HHLA2: variants seen among roughly 807,000 people sequenced by gnomAD.
HHLA2 encodes the protein HHLA2 member of B7 family.
In HHLA2, 48 loss-of-function variants were observed where a neutral mutation model predicts 45.9. The observed-to-expected ratio is 1.05, with a 90% CI of 0.83 to 1.33. HHLA2 has a LOEUF of 1.33. HHLA2 is among the 40% of genes most tolerant of loss of function. The pLI is 0.00. For missense variants in HHLA2, 462 were observed against 494.3 expected (o/e 0.93, Z 0.62); for synonymous variants, 161 against 173.9 (o/e 0.93, Z 0.59).
At chr3:108,308,835 C>A (rs1458548897) in intron 1 of HHLA2, among the ~76,000 whole-genome samples, 4 of 152,074 alleles carry the variant, frequency 2.6e-5, no homozygotes, top group Admixed American at 2.6e-4. Context: ...AAATCTTTTG[C>A]CCATTTTTTT....
intron 8 of HHLA2, 50 bp downstream of exon 7, chr3:108,362,496 T>TAAAG: frequency 8.5e-7 from 1 of 1,180,798 alleles, no homozygotes; most frequent in Non-Finnish European, 1.2e-6. Flanking sequence ...TCACGTATAT[T>TAAAG]AAAGATAACA....
intron 3 of HHLA2, among the ~76,000 whole-genome samples, chr3:108,333,675 T>G (rs2081425667): frequency 6.6e-6 from 1 of 151,968 alleles, no homozygotes; most frequent in African/African-American, 2.4e-5. Context: ...GAAAAAAACT[T>G]TTTAAGAGGA....
chr3:108,353,814 A>G lies in HHLA2; in HGVS notation c.418+34A>G, dbSNP rs762470752. 73 of 1,482,948 alleles carry G rather than the reference A, an allele frequency of 4.9e-5. No homozygotes were observed. In the Middle Eastern group the frequency reaches 7.0e-4, roughly 14 times the overall value. 91.9% of individuals were successfully genotyped at this position (1,482,948 alleles called of 1,614,324 possible). A position where few individuals can be genotyped will look rare whatever the true frequency, so the allele number is the denominator to read the frequency against. On this transcript the variant is annotated intron_variant, in intron 5 of 10. Transcript: ENST00000619531. ...GCATGTAAAGTTTCATGAAACAGCA[A>G]TGACATCATTCCATGTTATTAGTAA...
chr3:108,360,296 TG>T (rs1405710317), intron 7 of HHLA2, among the ~76,000 whole-genome samples: 1 of 152,204 alleles, frequency 6.6e-6, no homozygotes, highest in Non-Finnish European at 1.5e-5. Context: ...TGGCCATAAC[TG>T]TTGTAGTTTG....
At chr3:108,317,348 A>G (rs993753641) in intron 2 of HHLA2, among the ~76,000 whole-genome samples, 6 of 152,204 alleles carry the variant, frequency 3.9e-5, no homozygotes, top group Non-Finnish European at 8.8e-5. Context: ...AGGGTGGTCT[A>G]AAGTCCCAGC....
At chr3:108,301,428 A>G (rs1324669348) in intron 1 of HHLA2, among the ~76,000 whole-genome samples, 1 of 152,172 alleles carries the variant, frequency 6.6e-6, no homozygotes, top group African/African-American at 2.4e-5. Context: ...TGAGGATTCC[A>G]AACACGTTTG....
At chr3:108,369,999 C>T (rs1007033108) in intron 8 of HHLA2, among the ~76,000 whole-genome samples, 3 of 152,122 alleles carry the variant, frequency 2.0e-5, no homozygotes, top group South Asian at 2.1e-4. Flanking sequence ...GATCTGAGAA[C>T]GGGCAGACTG....
intron 2 of HHLA2, among the ~76,000 whole-genome samples, chr3:108,319,212 C>CT (rs35932503): frequency 0.07 from 10,365 of 147,420 alleles, 456 homozygotes; most frequent in Non-Finnish European, 0.094. Flanking sequence ...TAGTAAAATA[C>CT]TTTTTTTTTT....
intron 1 of HHLA2, among the ~76,000 whole-genome samples, chr3:108,300,901 G>A (rs1365174921): frequency 2.6e-5 from 4 of 152,106 alleles, no homozygotes; most frequent in Admixed American, 2.6e-4. Flanking sequence ...GGAATTGAGA[G>A]TAATCAAAAA....
intron 2 of HHLA2, among the ~76,000 whole-genome samples, chr3:108,325,094 A>C (rs1440099214): frequency 1.3e-5 from 2 of 152,034 alleles, no homozygotes; most frequent in Non-Finnish European, 2.9e-5. Context: ...TATGAATGTC[A>C]GTGTGTTTTA....
At chr3:108,325,796 C>A (rs2107359848) in intron 2 of HHLA2, 2 of 310,538 alleles carry the variant, frequency 6.4e-6, no homozygotes, top group African/African-American at 2.2e-5. Flanking sequence ...ATTGAAGTTT[C>A]CTCTACTACC....
chr3:108,362,248 T>C, intron 7 of HHLA2, 94 bp from the exon 7 acceptor site: 1 of 842,832 alleles, frequency 1.2e-6, no homozygotes, highest in Non-Finnish European at 1.9e-6. Context: ...GTTTTTAAAA[T>C]AGTAAACATA....
intron 2 of HHLA2, among the ~76,000 whole-genome samples, chr3:108,316,100 G>GA (rs1054206397): frequency 2.0e-4 from 29 of 146,110 alleles, no homozygotes; most frequent in East Asian, 7.9e-4. Context: ...AAAAAAAAAT[G>GA]AAAAAAAAAG....
At chr3:108,363,993 CTTTTT>C (rs2082022561) in intron 8 of HHLA2, among the ~76,000 whole-genome samples, 2 of 146,114 alleles carry the variant, frequency 1.4e-5, no homozygotes, top group African/African-American at 5.1e-5. Context: ...TTTTTTCTTT[CTTTTT>C]AAGTTCTGGG....
chr3:108,337,145 A>G (rs1000361990), intron 3 of HHLA2, among the ~76,000 whole-genome samples: 1 of 152,184 alleles, frequency 6.6e-6, no homozygotes, highest in Non-Finnish European at 1.5e-5. Context: ...ATGCAGAACT[A>G]GAGTATTTAA....
intron 3 of HHLA2, among the ~76,000 whole-genome samples, chr3:108,339,925 A>C (rs1405781401): frequency 6.6e-6 from 1 of 152,196 alleles, no homozygotes; most frequent in Non-Finnish European, 1.5e-5. Flanking sequence ...ATTGGTAAGA[A>C]AGAAAAATCT....
chr3:108,358,157 T>C (rs375852275), exon 7 of HHLA2: 2 of 1,597,286 alleles, frequency 1.3e-6, no homozygotes, highest in Non-Finnish European at 1.7e-6. Context: ...ACACAGTGCA[T>C]GTAGGTAAGT....
exon 7 of HHLA2, chr3:108,357,930 G>T: frequency 6.2e-7 from 1 of 1,613,822 alleles, no homozygotes; most frequent in South Asian, 1.1e-5. Context: ...AGACTTCAAA[G>T]TTACTTGGTC....
In HHLA2 at chr3:108,355,109, A is replaced by C. The variant is rs369747047; in HGVS notation, c.419-6A>C. 5 of 1,609,360 alleles carry C rather than the reference A, an allele frequency of 3.1e-6. No individual in the cohort carries two copies. Among genetic ancestry groups the C allele is most frequent in the South Asian group, 2.2e-5 (2 of 90,292 alleles). ...TTTTTCATGCGCCCTTCTTTCTCCT[A>C]TGTAGTTTTTCTCACACCCGTGATG... On this transcript the variant is annotated splice_polypyrimidine_tract_variant and splice_region_variant and intron_variant, in intron 5 of 10. Transcript: ENST00000619531.
Sources: allele counts gnomAD v4.1 joint callset (sites outside exome capture counted in the v4.1 genomes callset), GRCh38; gene constraint gnomAD v4.1.1; transcripts MANE v1.5; gene names NCBI Gene and HGNC (gene_info 2026-07-23, HGNC 2026-07-21).